Variants in SPHK1 observed in about 807,000 individuals in gnomAD.
The protein encoded by SPHK1 is sphingosine kinase 1, also known as SK 1.
In SPHK1, 10 loss-of-function variants were observed where a neutral mutation model predicts 14.6. The ratio of observed to expected loss-of-function variants is 0.68; its 90% CI spans 0.42 to 1.16. The LOEUF is 1.16. SPHK1 is among the 50% of genes most tolerant of loss of function. The pLI, the probability that SPHK1 is intolerant of heterozygous loss-of-function variation, is 0.00. For missense variants in SPHK1, 553 were observed against 525.4 expected (o/e 1.05, Z -0.51); for synonymous variants, 274 against 224.0 (o/e 1.22, Z -1.99).
Position 76,385,882 on chromosome 17 carries a change from CG to C in SPHK1, c.11-99del. ...CGCTCCTCTGGCCAGGGTCAATTAC[CG>C]GGGTGTTTCGGGCACCAAGTTCCCA... On this transcript the variant is annotated intron_variant, in intron 2 of 5. Coordinates refer to ENST00000592299, the MANE Select transcript of SPHK1 (RefSeq NM_001142601.2). The surrounding 1 kb of genome is among the most constrained non-coding windows in gnomAD (Gnocchi z 5.3). 6.7e-7 allele frequency: 1 copy of C among 1,489,064 alleles called. No individual in the cohort carries two copies. The highest frequency in any genetic ancestry group is 1.3e-5 in the South Asian group (1 of 77,094). The allele number at this position is 1,489,064 out of a possible 1,614,324, so 92.2% of individuals were successfully genotyped here.
At position 76,387,079 on chromosome 17, in the gene SPHK1, AAG is replaced by A. The variant is rs2072001992; in HGVS notation, c.651_652del (p.Arg217SerfsTer54). The A allele has an allele frequency of 6.2e-7, 1 of 1,613,342 alleles. No homozygotes were observed. Among genetic ancestry groups the A allele is most frequent in the Admixed American group, 1.7e-5 (1 of 60,016 alleles). ...RGRLAYLPVG[R>X]VGSKTPASPV... ...GCCGACTGGCCTACCTCCCTGTAGG[AAG>A]AGTGGGTTCCAAGACACCTGCCTCC... On this transcript the variant is annotated frameshift_variant, in exon 6 of 6. Transcript: ENST00000592299. LOFTEE classifies it low-confidence loss of function (END_TRUNC). The surrounding 1 kb of genome is among the most constrained non-coding windows in gnomAD (Gnocchi z 4.1).
In SPHK1 at chr17:76,385,949, G is replaced by A. The variant is rs751726769; in HGVS notation, c.11-36G>A. Reference sequence around the variant, plus strand: ...GTTACCCGTGGCCCCCTAGTGGTCGGTTGCGGACGTGGCCTCTTTGGTTTT... The same window carrying A: ...GTTACCCGTGGCCCCCTAGTGGTCGATTGCGGACGTGGCCTCTTTGGTTTT... On this transcript the variant is annotated intron_variant, in intron 2 of 5. Transcript: ENST00000592299. The surrounding 1 kb of genome is among the most constrained non-coding windows in gnomAD (Gnocchi z 5.3). The A allele has an allele frequency of 2.5e-6, 4 of 1,573,826 alleles. No individual in the cohort carries two copies. In the South Asian group the frequency reaches 3.4e-5, roughly 13 times the overall value.
In SPHK1 at chr17:76,386,263, T is replaced by C. The variant is rs1307069108; in HGVS notation, c.206T>C (p.Leu69Pro). 6.3e-7 allele frequency: 1 copy of C among 1,596,558 alleles called. No homozygotes were observed. The highest frequency in any genetic ancestry group is 1.3e-5 in the African/African-American group (1 of 74,874). The change falls in exon 4 of 6, where the codon CTG becomes CCG. Residue 69 changes from leucine (L) to proline (P), a missense_variant. By Grantham distance (98) the Leu-to-Pro change is moderately conservative. Coordinates refer to ENST00000592299, the MANE Select transcript of SPHK1 (RefSeq NM_001142601.2). The surrounding 1 kb of genome is among the most constrained non-coding windows in gnomAD (Gnocchi z 5.3). ...HARELVRSEE[L>P]GRWDALVVMS... Reference sequence around the variant, plus strand: ...CGGGAGCTGGTGCGGTCGGAGGAGCTGGGCCGCTGGGACGCTCTGGTGGTC... The same window carrying C: ...CGGGAGCTGGTGCGGTCGGAGGAGCCGGGCCGCTGGGACGCTCTGGTGGTC...
At position 76,385,824 on chromosome 17, in the gene SPHK1, C is replaced by T. The variant is rs1390816466; in HGVS notation, c.11-161C>T. The T allele has an allele frequency of 6.9e-7, 1 of 1,442,524 alleles. No individual in the cohort carries two copies. The highest frequency in any genetic ancestry group is 1.2e-5 in the South Asian group (1 of 80,506). The allele number at this position is 1,442,524 out of a possible 1,614,324, so 89.4% of individuals were successfully genotyped here. A position where few individuals can be genotyped will look rare whatever the true frequency, so the allele number is the denominator to read the frequency against. On this transcript the variant is annotated intron_variant, in intron 2 of 5. Transcript: ENST00000592299. This position sits in a 1 kb window ranked among gnomAD's most constrained non-coding sequence, Gnocchi z 5.3. Reference sequence around the variant, plus strand: ...GCCAAGGAAGGGGGTGGCAGGGGCGCCGCGTCCCCACCCCAGGTCTCCCAG... The same window carrying T: ...GCCAAGGAAGGGGGTGGCAGGGGCGTCGCGTCCCCACCCCAGGTCTCCCAG...
chr17:76,385,557 T>C lies in SPHK1; in HGVS notation c.-88T>C, dbSNP rs780186035. ...GCGACGCCCGCCTGGGCAGCACCGA[T>C]AAGGAGCTGAAGGCAGGAGCCGCCG... On this transcript the variant is annotated 5_prime_UTR_variant, in exon 2 of 6. Coordinates refer to ENST00000592299, the MANE Select transcript of SPHK1 (RefSeq NM_001142601.2). The surrounding 1 kb of genome is among the most constrained non-coding windows in gnomAD (Gnocchi z 5.3). 3.4e-5 allele frequency: 52 copies of C among 1,540,144 alleles called. No individual in the cohort carries two copies. Among genetic ancestry groups the C allele is most frequent in the Admixed American group, 3.9e-5 (2 of 51,552 alleles).
rs1272962069 is a variant in SPHK1, at chr17:76,385,432, G to T, written c.-194-19G>T. On this transcript the variant is annotated intron_variant, in intron 1 of 5. Transcript: ENST00000592299. This position sits in a 1 kb window ranked among gnomAD's most constrained non-coding sequence, Gnocchi z 5.3. The stretch of plus-strand genomic sequence containing the variant: ...AGCTGCGGCCCCGGACTCCGCCAGC[G>T]CTGTCTTCTCTCCCTCAGGTCCAGC... 1.8e-5 allele frequency: 27 copies of T among 1,511,476 alleles called. No individual in the cohort carries two copies. The highest frequency in any genetic ancestry group is 2.8e-5 in the African/African-American group (2 of 71,930). The allele number at this position is 1,511,476 out of a possible 1,614,324, so 93.6% of individuals were successfully genotyped here. A position where few individuals can be genotyped will look rare whatever the true frequency, so the allele number is the denominator to read the frequency against.
chr17:76,385,590 C>T lies in SPHK1; in HGVS notation c.-55C>T. The stretch of plus-strand genomic sequence containing the variant: ...TGAAGGCAGGAGCCGCCGCCACGGG[C>T]AGCGCCCCCACAGCGCCAGGGACCC... On this transcript the variant is annotated 5_prime_UTR_variant, in exon 2 of 6. Coordinates refer to ENST00000592299, the MANE Select transcript of SPHK1 (RefSeq NM_001142601.2). This position sits in a 1 kb window ranked among gnomAD's most constrained non-coding sequence, Gnocchi z 5.3. 6.5e-7 allele frequency: 1 copy of T among 1,539,896 alleles called. No homozygotes were observed. The highest frequency in any genetic ancestry group is 8.7e-7 in the Non-Finnish European group (1 of 1,148,748).
At position 76,385,058 on chromosome 17, in the gene SPHK1, C is replaced by T. The variant is rs370408672; in HGVS notation, c.-195+252C>T. Reference sequence around the variant, plus strand: ...GAGCTCCGGGCAGGGGACACGGCAACCTGGATGGCTGGGGCAGGGATCCTC... The same window carrying T: ...GAGCTCCGGGCAGGGGACACGGCAATCTGGATGGCTGGGGCAGGGATCCTC... On this transcript the variant is annotated intron_variant, in intron 1 of 5. Transcript: ENST00000592299. This position sits in a 1 kb window ranked among gnomAD's most constrained non-coding sequence, Gnocchi z 5.3. 2.6e-4 allele frequency: 407 copies of T among 1,543,700 alleles called. No homozygotes were observed. Among genetic ancestry groups the T allele is most frequent in the Non-Finnish European group, 3.4e-4 (389 of 1,143,996 alleles).
At position 76,386,613 on chromosome 17, in the gene SPHK1, T is replaced by C. The variant is rs2071989291; in HGVS notation, c.374+105T>C. On this transcript the variant is annotated intron_variant, in intron 5 of 5. Transcript: ENST00000592299. This position sits in a 1 kb window ranked among gnomAD's most constrained non-coding sequence, Gnocchi z 5.3. ...AGGCTGAGATCATTTCCATTTCCCC[T>C]TCTCCCTTAGTCCTGGGGCCCTCTC... The C allele has an allele frequency of 7.9e-7, 1 of 1,261,236 alleles. No homozygotes were observed. The highest frequency in any genetic ancestry group is 1.1e-6 in the Non-Finnish European group (1 of 917,394). The allele number at this position is 1,261,236 out of a possible 1,614,324, so 78.1% of individuals were successfully genotyped here. A position where few individuals can be genotyped will look rare whatever the true frequency, so the allele number is the denominator to read the frequency against.
chr17:76,385,581 C>T lies in SPHK1; in HGVS notation c.-64C>T, dbSNP rs368969158. ...ATAAGGAGCTGAAGGCAGGAGCCGC[C>T]GCCACGGGCAGCGCCCCCACAGCGC... On this transcript the variant is annotated 5_prime_UTR_variant, in exon 2 of 6. Transcript: ENST00000592299. This position sits in a 1 kb window ranked among gnomAD's most constrained non-coding sequence, Gnocchi z 5.3. 3 of 1,539,460 alleles carry T rather than the reference C, an allele frequency of 1.9e-6. No homozygotes were observed. Among genetic ancestry groups the T allele is most frequent in the African/African-American group, 1.4e-5 (1 of 73,232 alleles).
chr17:76,386,441 A>G lies in SPHK1; in HGVS notation c.307A>G (p.Lys103Glu). The G allele has an allele frequency of 6.2e-7, 1 of 1,613,052 alleles. No individual in the cohort carries two copies. The highest frequency in any genetic ancestry group is 8.5e-7 in the Non-Finnish European group (1 of 1,179,930). ...ERPDWETAIQ[K>E]PLCSLPAGSG... The stretch of plus-strand genomic sequence containing the variant: ...GCCTGACTGGGAGACCGCCATCCAG[A>G]AGCCCCTGTGTAGCCTCCCAGCAGG... The change falls in exon 5 of 6, where the codon AAG (lysine) becomes GAG (glutamate). Residue 103 changes from lysine to glutamate, a missense_variant. Physicochemically the swap from Lys to Glu is moderately conservative, Grantham distance 56. Coordinates refer to ENST00000592299, the MANE Select transcript of SPHK1 (RefSeq NM_001142601.2). This position sits in a 1 kb window ranked among gnomAD's most constrained non-coding sequence, Gnocchi z 5.3.
In SPHK1 at chr17:76,387,123, AG is replaced by A; in HGVS notation, c.695del (p.Gly232AlafsTer3). ...CCTGCCTCCCCCGTTGTGGTCCAGC[AG>A]GGCCCGGTAGATGCACACCTTGTGC... ...KTPASPVVVQ[Q>X]GPVDAHLVPL... is the part of the protein sequence containing the mutation. On this transcript the variant is annotated frameshift_variant, in exon 6 of 6. Coordinates refer to ENST00000592299, the MANE Select transcript of SPHK1 (RefSeq NM_001142601.2). LOFTEE classifies it low-confidence loss of function (END_TRUNC). The surrounding 1 kb of genome is among the most constrained non-coding windows in gnomAD (Gnocchi z 4.1). The A allele has an allele frequency of 6.2e-7, 1 of 1,613,226 alleles. No individual in the cohort carries two copies. The highest frequency in any genetic ancestry group is 8.5e-7 in the Non-Finnish European group (1 of 1,180,026).
At position 76,386,292 on chromosome 17, in the gene SPHK1, TC is replaced by T; in HGVS notation, c.236del (p.Ser79LeufsTer5). The T allele has an allele frequency of 6.2e-7, 1 of 1,602,718 alleles. No individual in the cohort carries two copies. Among genetic ancestry groups the T allele is most frequent in the Non-Finnish European group, 8.5e-7 (1 of 1,178,788 alleles). ...LGRWDALVVM[S>X]GDGLMHEVVN... ...CCGCTGGGACGCTCTGGTGGTCATG[TC>T]TGGAGACGGGCTGATGCACGAGGTG... is the stretch of plus-strand genomic sequence containing the variant. On this transcript the variant is annotated frameshift_variant, in exon 4 of 6. Transcript: ENST00000592299. LOFTEE classifies it high-confidence loss of function. This position sits in a 1 kb window ranked among gnomAD's most constrained non-coding sequence, Gnocchi z 5.3.
chr17:76,387,735 GC>G lies in SPHK1; in HGVS notation c.*151del. The G allele has an allele frequency of 1.0e-6, 1 of 966,310 alleles. No homozygotes were observed. The allele number at this position is 966,310 out of a possible 1,614,324, so 59.9% of individuals were successfully genotyped here. A position where few individuals can be genotyped will look rare whatever the true frequency, so the allele number is the denominator to read the frequency against. On this transcript the variant is annotated 3_prime_UTR_variant, in exon 6 of 6. Transcript: ENST00000592299. The surrounding 1 kb of genome is among the most constrained non-coding windows in gnomAD (Gnocchi z 4.1). ...TGGAGGCTATGCTTTGGGGGGACAGGCCAGAATGAAGTCCTGGGTCAGGAGC... is the reference window on the plus strand; with the variant it reads ...TGGAGGCTATGCTTTGGGGGGACAGGCAGAATGAAGTCCTGGGTCAGGAGC...
upstream of SPHK1, chr17:76,384,355 C>G (rs1490229697): frequency 6.6e-6 from 1 of 150,958 alleles, no homozygotes; most frequent in Non-Finnish European, 1.5e-5. Context: ...GGACTCCGCG[C>G]CTCGCGGCCT....
chr17:76,385,445 C>A lies in SPHK1; in HGVS notation c.-194-6C>A. 4 of 1,534,008 alleles carry A rather than the reference C, an allele frequency of 2.6e-6. No homozygotes were observed. Among genetic ancestry groups the A allele is most frequent in the Non-Finnish European group, 3.5e-6 (4 of 1,146,608 alleles). ...GACTCCGCCAGCGCTGTCTTCTCTC[C>A]CTCAGGTCCAGCCGCCGCAGGGAAT... On this transcript the variant is annotated splice_region_variant and splice_polypyrimidine_tract_variant and intron_variant, in intron 1 of 5. Coordinates refer to ENST00000592299, the MANE Select transcript of SPHK1 (RefSeq NM_001142601.2). The surrounding 1 kb of genome is among the most constrained non-coding windows in gnomAD (Gnocchi z 5.3).
chr17:76,387,215 G>A lies in SPHK1; in HGVS notation c.784G>A (p.Ala262Thr), dbSNP rs777580409. The A allele has an allele frequency of 4.3e-6, 7 of 1,612,854 alleles. No homozygotes were observed. The African/African-American group carries it at 5.3e-5, about 12-fold the overall frequency. The change falls in exon 6 of 6, where the codon GCA becomes ACA. Residue 262 changes from alanine to threonine, a missense_variant. Transcript: ENST00000592299. This position sits in a 1 kb window ranked among gnomAD's most constrained non-coding sequence, Gnocchi z 4.1. ...VPDEDFVLVLALLHSHLGSEM... is the reference protein window; with the variant it reads ...VPDEDFVLVLTLLHSHLGSEM... ...CGACGAGGACTTTGTGCTAGTCCTG[G>A]CACTGCTGCACTCGCACCTGGGCAG...
In SPHK1 at chr17:76,385,302, C is replaced by CG; in HGVS notation, c.-194-144dup. 1.4e-6 allele frequency: 2 copies of CG among 1,462,774 alleles called. No homozygotes were observed. Among genetic ancestry groups the CG allele is most frequent in the Non-Finnish European group, 9.0e-7 (1 of 1,106,462 alleles). The allele number at this position is 1,462,774 out of a possible 1,614,324, so 90.6% of individuals were successfully genotyped here. ...AGGGATTGTAGGCTTAGTCACACGG[C>CG]GGGGGCGCCCTCGGAGGCACCGGAC... On this transcript the variant is annotated intron_variant, in intron 1 of 5. Transcript: ENST00000592299. This position sits in a 1 kb window ranked among gnomAD's most constrained non-coding sequence, Gnocchi z 5.3.
At chr17:76,383,922 C>T (rs1211914999), upstream of SPHK1, 2 of 1,180,140 alleles carry the variant, frequency 1.7e-6, no homozygotes, top group Admixed American at 6.6e-5. Context: ...CGGCTCGGAG[C>T]CCCCGGCCTG....
Sources: allele counts gnomAD v4.1 joint callset, GRCh38; gene constraint gnomAD v4.1.1; non-coding constraint Gnocchi (gnomAD v3.1); transcripts MANE v1.5; gene names NCBI Gene and HGNC (gene_info 2026-07-23, HGNC 2026-07-21).